BCL9: variants seen among roughly 807,000 people sequenced by gnomAD.
BCL9 encodes B-cell CLL/lymphoma 9 protein.
A neutral mutation model predicts 88.5 loss-of-function variants in BCL9; 25 were observed. The ratio of observed to expected loss-of-function variants is 0.28; its 90% CI spans 0.21 to 0.39. BCL9 has a LOEUF of 0.39. Among genes scored for constraint, BCL9 ranks in the 10% least tolerant of loss-of-function variants. The pLI is 1.00. For missense variants in BCL9, 1,817 were observed against 1,877.8 expected (o/e 0.97, Z 0.60); for synonymous variants, 711 against 673.3 (o/e 1.06, Z -0.87).
At chr1:147,591,246 A>G (rs1311994304) in intron 1 of BCL9, among the ~76,000 whole-genome samples, 1 of 152,206 alleles carries the variant, frequency 6.6e-6, no homozygotes, top group African/African-American at 2.4e-5. Flanking sequence ...AACTCAGTGT[A>G]TTCTTCTTAT....
At chr1:147,559,410 G>A (rs1209501347) in intron 1 of BCL9, among the ~76,000 whole-genome samples, 2 of 152,008 alleles carry the variant, frequency 1.3e-5, no homozygotes, top group Admixed American at 6.6e-5. Flanking sequence ...CATAGCAGTT[G>A]CTTTATATGT....
At position 147,623,936 on chromosome 1, in the gene BCL9, T is replaced by G. The variant is rs587738681; in HGVS notation, c.3258T>G (p.Leu1086=). The G allele has an allele frequency of 1.9e-6, 3 of 1,614,186 alleles. No individual in the cohort carries two copies. The highest frequency in any genetic ancestry group is 2.7e-5 in the African/African-American group (2 of 75,036). The change falls in exon 10 of 10, where the codon CTT becomes CTG. Residue 1086 remains leucine (L), a synonymous_variant. Transcript: ENST00000234739. The part of the protein sequence containing the change: ...TLSPMGMTQP[L]SHSNQMPSPN... ...GCCCAATGGGAATGACCCAGCCACT[T>G]TCTCACTCCAATCAGATGCCCTCTC... is the stretch of plus-strand genomic sequence containing the variant.
At chr1:147,584,322 C>T (rs1049047213) in intron 1 of BCL9, among the ~76,000 whole-genome samples, 3 of 152,164 alleles carry the variant, frequency 2.0e-5, no homozygotes, top group Non-Finnish European at 4.4e-5. Context: ...GCTGGGATTA[C>T]AGGTGTGAGC....
At chr1:147,618,730 A>T in intron 7 of BCL9, 86 bp from the exon 8 acceptor site, 1 of 1,286,224 alleles carries the variant, frequency 7.8e-7, no homozygotes, top group Admixed American at 2.7e-5. Flanking sequence ...GTGCCTGGGG[A>T]CAATTCCTTT....
At chr1:147,602,331 C>G (rs1657440191) in intron 1 of BCL9, among the ~76,000 whole-genome samples, 2 of 151,962 alleles carry the variant, frequency 1.3e-5, no homozygotes, top group Admixed American at 1.3e-4. Context: ...CCTGCCTTAG[C>G]CTCCACAGTA....
rs116917795 is a variant in BCL9, at chr1:147,593,410, G to T, written c.-477-11367G>T. Among the ~76,000 whole-genome samples the T allele has an allele frequency of 3.1e-3, 465 of 152,146 alleles. 11 individuals carry two copies. The East Asian group carries it at 0.069, about 23-fold the overall frequency. ...AGTCCTTTGCCTGGCTGACTCCTACGCATTCTTTAAGATTCCACTCAGGTC... is the reference window on the plus strand; with the variant it reads ...AGTCCTTTGCCTGGCTGACTCCTACTCATTCTTTAAGATTCCACTCAGGTC... On this transcript the variant is annotated intron_variant, in intron 1 of 9. Coordinates refer to ENST00000234739, the MANE Select transcript of BCL9 (RefSeq NM_004326.4).
intron 7 of BCL9, 31 bp from the exon 8 acceptor site, chr1:147,618,785 A>G (rs587758720): frequency 1.3e-6 from 2 of 1,494,616 alleles, no homozygotes; most frequent in African/African-American, 1.4e-5. Flanking sequence ...TCAGTTTACT[A>G]ATGATTTTTA....
intron 1 of BCL9, among the ~76,000 whole-genome samples, chr1:147,601,830 T>C (rs1419091362): frequency 6.6e-6 from 1 of 152,208 alleles, no homozygotes; most frequent in Non-Finnish European, 1.5e-5. Flanking sequence ...CTTTGAGCAA[T>C]GAAGGTTCCA....
At position 147,619,797 on chromosome 1, in the gene BCL9, G is replaced by A. The variant is rs1352515504; in HGVS notation, c.1642G>A (p.Gly548Ser). ...CATGCCACATTCTCTGCCCCCGAGG[G>A]GCATGGCTCCCCACCCCAACATGCC... ...INMPHSLPPR[G>S]MAPHPNMPGS... The change falls in exon 8 of 10, where the codon GGC becomes AGC. Residue 548 changes from glycine to serine, a missense_variant. By Grantham distance (56) the Gly-to-Ser change is moderately conservative (BLOSUM62 0). Coordinates refer to ENST00000234739, the MANE Select transcript of BCL9 (RefSeq NM_004326.4). The surrounding 1 kb of genome is among the most constrained non-coding windows in gnomAD (Gnocchi z 4.1). The A allele has an allele frequency of 6.2e-7, 1 of 1,614,108 alleles. No homozygotes were observed. Among genetic ancestry groups the A allele is most frequent in the South Asian group, 1.1e-5 (1 of 91,078 alleles).
rs782382579 is a variant in BCL9 at position 147,624,574 on chromosome 1, C to T, written c.3896C>T (p.Thr1299Ile). ...ATGGGAGGTCCAGGGCCAGTGGGAA[C>T]TCCGGACATCCCTCTTGGTACAGCT... ...PGMGGPGPVG[T>I]PDIPLGTAPS... Residue 1299 changes from threonine (T) to isoleucine (I), a missense_variant, in exon 10 of 10, where the codon ACT becomes ATT. Transcript: ENST00000234739. This position sits in a 1 kb window ranked among gnomAD's most constrained non-coding sequence, Gnocchi z 4.4. The T allele has an allele frequency of 6.2e-7, 1 of 1,614,196 alleles. No homozygotes were observed. Among genetic ancestry groups the T allele is most frequent in the South Asian group, 1.1e-5 (1 of 91,080 alleles).
At chr1:147,587,838 G>GTAT in intron 1 of BCL9, among the ~76,000 whole-genome samples, 1 of 151,832 alleles carries the variant, frequency 6.6e-6, no homozygotes, top group South Asian at 2.1e-4. Flanking sequence ...CAGCCCAGGG[G>GTAT]TATTTCAACT....
chr1:147,600,173 T>C (rs1657297392), intron 1 of BCL9: 3 of 158,602 alleles, frequency 1.9e-5, no homozygotes, highest in African/African-American at 2.4e-5. Context: ...CTATGTGTGC[T>C]TGCCGGAGTG....
intron 1 of BCL9, among the ~76,000 whole-genome samples, chr1:147,559,147 T>C (rs1478570820): frequency 8.2e-6 from 1 of 121,300 alleles, no homozygotes; most frequent in Non-Finnish European, 1.6e-5. Context: ...TTTTGGCATT[T>C]GATGGTCATC....
Position 147,597,932 on chromosome 1 carries a change from T to G in BCL9, c.-477-6845T>G, listed in dbSNP as rs79613501. The stretch of plus-strand genomic sequence containing the variant: ...AGGGCTTAACGCTTAGTAAAATGGC[T>G]AAGACTTTCTTTTAACATGTGTATT... On this transcript the variant is annotated intron_variant, in intron 1 of 9. Coordinates refer to ENST00000234739, the MANE Select transcript of BCL9 (RefSeq NM_004326.4). 3.4e-3 allele frequency among the ~76,000 whole-genome samples: 520 copies of G among 152,376 alleles called. 1 individual carries two copies. Among genetic ancestry groups the G allele is most frequent in the African/African-American group, 0.012 (504 of 41,574 alleles).
At chr1:147,561,620 G>C (rs1164325184) in intron 1 of BCL9, among the ~76,000 whole-genome samples, 2 of 152,096 alleles carry the variant, frequency 1.3e-5, no homozygotes, top group Admixed American at 1.3e-4. Flanking sequence ...TATTTATCAA[G>C]CACTTCCTTC....
At chr1:147,561,896 A>G (rs1655392534) in intron 1 of BCL9, among the ~76,000 whole-genome samples, 1 of 152,194 alleles carries the variant, frequency 6.6e-6, no homozygotes, top group South Asian at 2.1e-4. Context: ...AACAGATGTT[A>G]TTGGAGGAAA....
At chr1:147,590,582 G>A (rs1656804598) in intron 1 of BCL9, among the ~76,000 whole-genome samples, 1 of 146,898 alleles carries the variant, frequency 6.8e-6, no homozygotes, top group Non-Finnish European at 1.5e-5. Flanking sequence ...GGAATTGGAG[G>A]ATCTGTGTTC....
intron 1 of BCL9, among the ~76,000 whole-genome samples, chr1:147,586,726 A>G (rs1171198366): frequency 6.6e-6 from 1 of 152,070 alleles, no homozygotes; most frequent in Admixed American, 6.5e-5. Context: ...GTGCCCGGCT[A>G]TGCTGTTCTT....
chr1:147,602,240 T>A (rs4950463), intron 1 of BCL9, among the ~76,000 whole-genome samples: 26,466 of 147,714 alleles, frequency 0.18, 3,215 homozygotes, highest in East Asian at 0.36. Flanking sequence ...GGAGTCTCAC[T>A]CTGTAGCCCA....
Sources: gnomAD v4.1 joint callset for allele counts (sites outside exome capture counted in the v4.1 genomes callset) on GRCh38, gnomAD v4.1.1 for gene constraint, Gnocchi (gnomAD v3.1) non-coding constraint, MANE v1.5 for transcripts, NCBI Gene and HGNC (gene_info 2026-07-23, HGNC 2026-07-21) for gene names.